The following RABGEF1 variants were observed in gnomAD, a reference collection of about 807,000 sequenced individuals.
RABGEF1 encodes the protein rab5 GDP/GTP exchange factor.
In RABGEF1, 26 loss-of-function variants were observed where a neutral mutation model predicts 57.3. That is an observed-to-expected ratio of 0.45 (90% confidence interval 0.33 to 0.63). The LOEUF (loss-of-function observed/expected upper bound fraction) is 0.63. RABGEF1 is among the 20% of genes least tolerant of loss of function. RABGEF1 has a pLI of 0.02. For missense variants in RABGEF1, 464 were observed against 607.6 expected, an observed-to-expected ratio of 0.76 and a Z score of 2.48; for synonymous variants, 185 against 210.7, an observed-to-expected ratio of 0.88 and a Z score of 1.06.
the RABGEF1 span, among the ~76,000 whole-genome samples, chr7:66,674,690 C>T: frequency 6.6e-6 from 1 of 151,946 alleles, no homozygotes; most frequent in Non-Finnish European, 1.5e-5. Flanking sequence ...GGAAAGAAGC[C>T]AAGTACAAAA....
rs760942497 is a variant in RABGEF1 at position 66,771,935 on chromosome 7, G to A, written c.36G>A (p.Val12=). The stretch of plus-strand genomic sequence containing the variant: ...AGTCTGAACGCCGAGGAATTCATGT[G>A]GATCAATCGGATCTCCTGTGCAAGA... ...SLKSERRGIH[V]DQSDLLCKKG... The change falls in exon 2 of 9, where the codon GTG becomes GTA. Residue 12 remains valine (V), a synonymous_variant. Coordinates refer to ENST00000284957, the MANE Select transcript of RABGEF1 (RefSeq NM_014504.3). 9.7e-5 allele frequency: 152 copies of A among 1,572,430 alleles called. No individual in the cohort carries two copies. Among genetic ancestry groups the A allele is most frequent in the Non-Finnish European group, 8.9e-5 (103 of 1,159,590 alleles).
At chr7:66,782,573 C>G (rs1288371888) in intron 3 of RABGEF1, among the ~76,000 whole-genome samples, 1 of 151,004 alleles carries the variant, frequency 6.6e-6, no homozygotes, top group Non-Finnish European at 1.5e-5. Context: ...TGGGCTCAAG[C>G]GATCCTCCTG....
intron 1 of RABGEF1, among the ~76,000 whole-genome samples, chr7:66,700,477 A>C (rs1793070812): frequency 1.5e-5 from 1 of 66,470 alleles, no homozygotes; most frequent in Admixed American, 1.7e-4. Flanking sequence ...ACTGAGGGCC[A>C]AGCGGGCCCC....
intron 1 of RABGEF1, among the ~76,000 whole-genome samples, chr7:66,769,742 C>T (rs1232629677): frequency 6.6e-6 from 1 of 152,168 alleles, no homozygotes; most frequent in Non-Finnish European, 1.5e-5. Context: ...CATGCTTTCC[C>T]CTTTTCAGGA....
intron 1 of RABGEF1, among the ~76,000 whole-genome samples, chr7:66,741,707 A>T (rs1485296034): frequency 1.3e-5 from 2 of 151,762 alleles, no homozygotes; most frequent in Non-Finnish European, 2.9e-5. Flanking sequence ...TTTATTTATT[A>T]TTTTTTTCGA....
chr7:66,736,057 A>G (rs1309918488), upstream of RABGEF1, among the ~76,000 whole-genome samples: 1 of 152,190 alleles, frequency 6.6e-6, no homozygotes, highest in Non-Finnish European at 1.5e-5. Flanking sequence ...ATCCTAGCCA[A>G]TGCAGTAAGA....
chr7:66,684,060 A>G (rs1302585652), intron 1 of RABGEF1, among the ~76,000 whole-genome samples: 4 of 152,164 alleles, frequency 2.6e-5, no homozygotes, highest in Non-Finnish European at 5.9e-5. Context: ...TTAAAGAGAA[A>G]AAGTACAGGA....
rs1328544474 is a variant in RABGEF1 at position 66,753,328 on chromosome 7, T to A, written c.-18+12536T>A. Among the ~76,000 whole-genome samples, 6 of 152,306 alleles carry A rather than the reference T, an allele frequency of 3.9e-5. No homozygotes were observed. In the South Asian group the frequency reaches 6.2e-4, roughly 16 times the overall value. On this transcript the variant is annotated intron_variant, in intron 1 of 8. Coordinates refer to ENST00000284957, the MANE Select transcript of RABGEF1 (RefSeq NM_014504.3). ...TTGTCCTATTTGTAAAGAACAGGTG[T>A]TGCTGTGAACCCAGAGTTCGATGTA...
chr7:66,776,582 G>C (rs1287302065), intron 3 of RABGEF1, among the ~76,000 whole-genome samples: 1 of 152,132 alleles, frequency 6.6e-6, no homozygotes, highest in Non-Finnish European at 1.5e-5. Context: ...AGTTCCAGCT[G>C]AGGCCAGAAG....
chr7:66,656,589 A>C, the RABGEF1 span, among the ~76,000 whole-genome samples: 34 of 152,108 alleles, frequency 2.2e-4, no homozygotes, highest in Admixed American at 1.9e-3. Context: ...TGGGAGGCCG[A>C]GGCGGTCGGA....
At chr7:66,799,204 G>A (rs1230073291) in intron 6 of RABGEF1, 119 bp from the exon 7 acceptor site, 6 of 696,202 alleles carry the variant, frequency 8.6e-6, no homozygotes, top group Admixed American at 5.1e-5. Flanking sequence ...GGTGATGTGT[G>A]TGGGCCTGGG....
intron 4 of RABGEF1, among the ~76,000 whole-genome samples, chr7:66,791,170 T>G (rs1175458275): frequency 6.6e-6 from 1 of 152,230 alleles, no homozygotes; most frequent in African/African-American, 2.4e-5. Context: ...GATTTCTGGC[T>G]TTTTTGTTTG....
At chr7:66,714,037 A>G (rs562321392) in intron 2 of RABGEF1, among the ~76,000 whole-genome samples, 3 of 152,240 alleles carry the variant, frequency 2.0e-5, no homozygotes, top group East Asian at 3.9e-4. Flanking sequence ...CTGTTTTTGT[A>G]CTACCATAGT....
chr7:66,659,190 C>T, the RABGEF1 span, among the ~76,000 whole-genome samples: 1 of 152,080 alleles, frequency 6.6e-6, no homozygotes, highest in Non-Finnish European at 1.5e-5. Flanking sequence ...TGGTGGCTCA[C>T]GCCTGTAATC....
intron 1 of RABGEF1, among the ~76,000 whole-genome samples, chr7:66,706,445 C>T (rs1794102760): frequency 6.6e-6 from 1 of 152,020 alleles, no homozygotes; most frequent in South Asian, 2.1e-4. Context: ...GAGTCTCGCT[C>T]CGTCCCCAGG....
At chr7:66,687,605 G>A (rs1428144035) in intron 1 of RABGEF1, among the ~76,000 whole-genome samples, 1 of 152,116 alleles carries the variant, frequency 6.6e-6, no homozygotes, top group Admixed American at 6.5e-5. Context: ...CTTGAGCCCA[G>A]GAGAGATTGG....
At chr7:66,755,022 C>T (rs997886595) in intron 1 of RABGEF1, among the ~76,000 whole-genome samples, 4 of 152,036 alleles carry the variant, frequency 2.6e-5, no homozygotes, top group African/African-American at 7.2e-5. Context: ...TGGCCAGGCA[C>T]GGTGGCTCAC....
chr7:66,793,726 A>G (rs1813301770), intron 4 of RABGEF1, among the ~76,000 whole-genome samples: 1 of 133,330 alleles, frequency 7.5e-6, no homozygotes, highest in Non-Finnish European at 1.7e-5. Context: ...GCTGCAGTCA[A>G]GGTGATCACA....
chr7:66,753,770 G>A (rs1446906213), intron 1 of RABGEF1, among the ~76,000 whole-genome samples: 10 of 134,384 alleles, frequency 7.4e-5, no homozygotes, highest in East Asian at 2.5e-4. Context: ...GCAGTGGCAC[G>A]ATCTTGGCTC....
Sources: gnomAD v4.1 joint callset for allele counts (sites outside exome capture counted in the v4.1 genomes callset) on GRCh38, gnomAD v4.1.1 for gene constraint, MANE v1.5 for transcripts, NCBI Gene and HGNC (gene_info 2026-07-23, HGNC 2026-07-21) for gene names.